The following ABTB3 variants were observed in gnomAD, a reference collection of about 807,000 sequenced individuals.
The protein encoded by ABTB3 is ankyrin repeat and BTB domain containing 3.
chr12:107,411,772 T>A, the ABTB3 span, among the ~76,000 whole-genome samples: 6 of 151,950 alleles, frequency 3.9e-5, no homozygotes, highest in Non-Finnish European at 7.4e-5. Context: ...GTGGGGTGAG[T>A]TTTACCTTGA....
the ABTB3 span, among the ~76,000 whole-genome samples, chr12:107,370,973 G>T: frequency 0.015 from 2,309 of 151,952 alleles, 57 homozygotes; most frequent in African/African-American, 0.047. Context: ...AGCCCTCAGA[G>T]GGCGTTTATC....
the ABTB3 span, among the ~76,000 whole-genome samples, chr12:107,341,849 A>ACCTCCCT: frequency 6.6e-6 from 1 of 151,440 alleles, no homozygotes; most frequent in Non-Finnish European, 1.5e-5. Flanking sequence ...AGGGTGTGGC[A>ACCTCCCT]CCTCCCTCCT....
At chr12:107,348,569 TA>T in the ABTB3 span, among the ~76,000 whole-genome samples, 1 of 152,054 alleles carries the variant, frequency 6.6e-6, no homozygotes, top group African/African-American at 2.4e-5. Context: ...CAAAGAAAAT[TA>T]AAAAATTATG....
the ABTB3 span, among the ~76,000 whole-genome samples, chr12:107,329,590 G>A: frequency 6.6e-6 from 1 of 152,216 alleles, no homozygotes; most frequent in Non-Finnish European, 1.5e-5. Flanking sequence ...TCTATAGTTT[G>A]TCAGTAAACA....
chr12:107,562,661 A>T, the ABTB3 span, among the ~76,000 whole-genome samples: 1 of 152,238 alleles, frequency 6.6e-6, no homozygotes, highest in African/African-American at 2.4e-5. Flanking sequence ...GTCAGATTGA[A>T]TTATTTGAGA....
the ABTB3 span, among the ~76,000 whole-genome samples, chr12:107,557,038 C>A: frequency 6.6e-6 from 1 of 151,994 alleles, no homozygotes; most frequent in African/African-American, 2.4e-5. Context: ...TAATGATAAT[C>A]AAATCACTCC....
the ABTB3 span, among the ~76,000 whole-genome samples, chr12:107,527,595 A>G: frequency 6.8e-6 from 1 of 147,160 alleles, no homozygotes; most frequent in Non-Finnish European, 1.5e-5. Context: ...TTTTTTTTTT[A>G]ACATCACTGA....
the ABTB3 span, among the ~76,000 whole-genome samples, chr12:107,582,960 C>T: frequency 6.6e-6 from 1 of 152,192 alleles, no homozygotes; most frequent in Non-Finnish European, 1.5e-5. Context: ...ACAAAGCATT[C>T]CTTGTTTGTC....
chr12:107,442,306 A>G, the ABTB3 span, among the ~76,000 whole-genome samples: 3 of 152,210 alleles, frequency 2.0e-5, no homozygotes, highest in Non-Finnish European at 1.5e-5. Flanking sequence ...TTAGAATTTT[A>G]ATAGAGTATA....
chr12:107,538,647 C>T, the ABTB3 span, among the ~76,000 whole-genome samples: 1 of 152,198 alleles, frequency 6.6e-6, no homozygotes, highest in African/African-American at 2.4e-5. Context: ...TTCTACCCCT[C>T]CAGGCTCTTC....
chr12:107,474,437 G>A, the ABTB3 span, among the ~76,000 whole-genome samples: 8 of 152,266 alleles, frequency 5.3e-5, no homozygotes, highest in South Asian at 4.1e-4. Flanking sequence ...TCCAAACAGC[G>A]GGCTCTTTCC....
At chr12:107,319,577 G>T in the ABTB3 span, 2 of 1,539,766 alleles carry the variant, frequency 1.3e-6, no homozygotes, top group Non-Finnish European at 1.7e-6. Flanking sequence ...CACCTTCTCC[G>T]TGGGCCGCGT....
chr12:107,472,728 G>A, the ABTB3 span, among the ~76,000 whole-genome samples: 1 of 152,228 alleles, frequency 6.6e-6, no homozygotes, highest in Non-Finnish European at 1.5e-5. Flanking sequence ...TTCCCCAGAT[G>A]TTTATCTGAT....
At chr12:107,319,734 G>T in the ABTB3 span, 3 of 1,527,734 alleles carry the variant, frequency 2.0e-6, no homozygotes, top group Middle Eastern at 1.9e-4. Context: ...AGTGGCCCTG[G>T]GTCAGGCTCG....
At chr12:107,490,463 C>G in the ABTB3 span, among the ~76,000 whole-genome samples, 1 of 152,100 alleles carries the variant, frequency 6.6e-6, no homozygotes, top group Non-Finnish European at 1.5e-5. Context: ...ATAGTACTGC[C>G]TCTGGACTTC....
chr12:107,388,837 T>C, the ABTB3 span, among the ~76,000 whole-genome samples: 1 of 152,346 alleles, frequency 6.6e-6, no homozygotes, highest in Middle Eastern at 3.4e-3. Context: ...ATAATGAACA[T>C]GGTCAAGTTG....
chr12:107,574,128 TGGAG>T, the ABTB3 span, among the ~76,000 whole-genome samples: 1 of 152,170 alleles, frequency 6.6e-6, no homozygotes, highest in Admixed American at 6.5e-5. Flanking sequence ...AGAATCCAGG[TGGAG>T]ACAGAACCCA....
chr12:107,366,338 T>C, the ABTB3 span, among the ~76,000 whole-genome samples: 1 of 152,202 alleles, frequency 6.6e-6, no homozygotes, highest in Admixed American at 6.5e-5. Flanking sequence ...GATATAATTA[T>C]TCTCCTGAGA....
the ABTB3 span, among the ~76,000 whole-genome samples, chr12:107,467,060 AG>A: frequency 6.6e-6 from 1 of 152,178 alleles, no homozygotes; most frequent in African/African-American, 2.4e-5. Context: ...GATAAAAGTC[AG>A]GGTATTCAAA....
Sources: gnomAD v4.1 joint callset for allele counts (sites outside exome capture counted in the v4.1 genomes callset) on GRCh38, gnomAD v4.1.1 for gene constraint, MANE v1.5 for transcripts, NCBI Gene and HGNC (gene_info 2026-07-23, HGNC 2026-07-21) for gene names.